CDH13: variants seen among roughly 807,000 people sequenced by gnomAD.
CDH13 encodes the protein cadherin 13.
A neutral mutation model predicts 63.8 loss-of-function variants in CDH13; 24 were observed. The ratio of observed to expected loss-of-function variants is 0.38; its 90% CI spans 0.27 to 0.53. The LOEUF (loss-of-function observed/expected upper bound fraction) is 0.53, where lower values mean the gene tolerates loss of function less well. Ranked by LOEUF, CDH13 falls within the 20% of genes least tolerant of loss-of-function variation. The pLI, the probability that CDH13 is intolerant of heterozygous loss-of-function variation, is 0.85. For synonymous variants in CDH13, 503 were observed against 355.3 expected, an observed-to-expected ratio of 1.42 and a Z score of -4.67; for missense variants, 1,049 against 903.1, an observed-to-expected ratio of 1.16 and a Z score of -2.07.
chr16:83,651,648 T>C (rs1912390274), intron 8 of CDH13, among the ~76,000 whole-genome samples: 1 of 135,848 alleles, frequency 7.4e-6, no homozygotes. Flanking sequence ...CAGGCTGGAG[T>C]GCAGTAGCAC....
chr16:83,317,258 A>G (rs1030511287), intron 5 of CDH13, among the ~76,000 whole-genome samples: 1 of 152,228 alleles, frequency 6.6e-6, no homozygotes, highest in Non-Finnish European at 1.5e-5. Flanking sequence ...CTGGAAGCCC[A>G]CATAAGGTAG....
intron 1 of CDH13, among the ~76,000 whole-genome samples, chr16:82,736,828 T>C (rs1331152585): frequency 2.6e-5 from 4 of 152,202 alleles, no homozygotes; most frequent in Non-Finnish European, 4.4e-5. Context: ...GGACTCTTGA[T>C]GGGGTTCCCA....
Position 82,854,768 on chromosome 16 carries a change from A to G in CDH13, c.46-3594A>G, listed in dbSNP as rs541118869. Among the ~76,000 whole-genome samples the G allele has an allele frequency of 1.4e-4, 22 of 152,334 alleles. No individual in the cohort carries two copies. The South Asian group carries it at 4.4e-3, about 30-fold the overall frequency. ...TACCCCAACTTTTACATGCTCCCAGAGAGATCTATATTTTCCTTTCCAGTT... is the reference window on the plus strand; with the variant it reads ...TACCCCAACTTTTACATGCTCCCAGGGAGATCTATATTTTCCTTTCCAGTT... On this transcript the variant is annotated intron_variant, in intron 1 of 13. Coordinates refer to ENST00000567109, the MANE Select transcript of CDH13 (RefSeq NM_001257.5).
At chr16:83,015,713 A>G (rs1421870628) in intron 2 of CDH13, among the ~76,000 whole-genome samples, 3 of 125,900 alleles carry the variant, frequency 2.4e-5, no homozygotes, top group Non-Finnish European at 5.1e-5. Context: ...ATATATATAT[A>G]TATATATATA....
chr16:83,259,698 A>G (rs1193480572), intron 5 of CDH13, among the ~76,000 whole-genome samples: 2 of 152,168 alleles, frequency 1.3e-5, no homozygotes, highest in African/African-American at 4.8e-5. Flanking sequence ...CACAATGTGC[A>G]GGTTAGTTAC....
intron 6 of CDH13, among the ~76,000 whole-genome samples, chr16:83,481,986 G>A (rs1020505790): frequency 2.0e-5 from 3 of 152,176 alleles, no homozygotes; most frequent in African/African-American, 7.2e-5. Flanking sequence ...TGGAGCAGGT[G>A]CACTGAGGCC....
intron 6 of CDH13, among the ~76,000 whole-genome samples, chr16:83,439,754 A>G (rs1263389101): frequency 1.3e-5 from 2 of 152,190 alleles, no homozygotes; most frequent in East Asian, 1.9e-4. Flanking sequence ...ATCATGTTTG[A>G]CAGGAGAACA....
chr16:83,321,390 C>A (rs72804323), intron 5 of CDH13, among the ~76,000 whole-genome samples: 2 of 152,068 alleles, frequency 1.3e-5, no homozygotes, highest in East Asian at 1.9e-4. Flanking sequence ...TCATTGGCAT[C>A]GGAATTATTT....
chr16:83,432,360 A>G (rs892826766), intron 6 of CDH13, among the ~76,000 whole-genome samples: 6 of 152,150 alleles, frequency 3.9e-5, no homozygotes, highest in African/African-American at 1.4e-4. Flanking sequence ...ATCTACCCCA[A>G]TGGTAGTTAA....
intron 3 of CDH13, among the ~76,000 whole-genome samples, chr16:83,073,268 T>A (rs1178864566): frequency 6.6e-6 from 1 of 151,716 alleles, no homozygotes; most frequent in Non-Finnish European, 1.5e-5. Flanking sequence ...AGTTCGAGGT[T>A]GAACCCGGGT....
At chr16:83,041,277 T>C (rs1917309220) in intron 3 of CDH13, among the ~76,000 whole-genome samples, 1 of 152,152 alleles carries the variant, frequency 6.6e-6, no homozygotes, top group Admixed American at 6.6e-5. Flanking sequence ...TGACAGAAGC[T>C]GAAAAGGCTA....
At chr16:82,942,479 C>T (rs528999704) in intron 2 of CDH13, among the ~76,000 whole-genome samples, 5 of 152,242 alleles carry the variant, frequency 3.3e-5, no homozygotes, top group South Asian at 2.1e-4. Flanking sequence ...CTATAACACA[C>T]GCCAGAGGAT....
At chr16:83,570,479 C>T (rs1340738742) in intron 7 of CDH13, among the ~76,000 whole-genome samples, 2 of 151,986 alleles carry the variant, frequency 1.3e-5, no homozygotes, top group Non-Finnish European at 2.9e-5. Flanking sequence ...GTGAGAATGG[C>T]AAAGCCAAGG....
chr16:83,584,226 G>A (rs1381050418), intron 7 of CDH13, among the ~76,000 whole-genome samples: 1 of 152,128 alleles, frequency 6.6e-6, no homozygotes, highest in Non-Finnish European at 1.5e-5. Flanking sequence ...AAACTAAGGA[G>A]GCTGAGGCAG....
intron 7 of CDH13, among the ~76,000 whole-genome samples, chr16:83,503,988 A>G (rs2074341705): frequency 6.6e-6 from 1 of 152,078 alleles, no homozygotes; most frequent in African/African-American, 2.4e-5. Flanking sequence ...CAGCATTAGG[A>G]CAGATGCCCA....
At chr16:83,662,336 A>G (rs909019593) in intron 8 of CDH13, among the ~76,000 whole-genome samples, 10 of 152,218 alleles carry the variant, frequency 6.6e-5, no homozygotes, top group Non-Finnish European at 1.0e-4. Context: ...TCTTTGCATG[A>G]TGGAGATAAC....
intron 2 of CDH13, among the ~76,000 whole-genome samples, chr16:83,024,020 C>G (rs1259275201): frequency 6.6e-6 from 1 of 152,092 alleles, no homozygotes; most frequent in South Asian, 2.1e-4. Flanking sequence ...ATCAAGACTT[C>G]ATTATTTATA....
chr16:83,225,332 G>A (rs1389526227), intron 5 of CDH13, among the ~76,000 whole-genome samples: 1 of 152,170 alleles, frequency 6.6e-6, no homozygotes, highest in Admixed American at 6.5e-5. Context: ...GTGCTCCGGT[G>A]TGCCATTTGA....
intron 2 of CDH13, among the ~76,000 whole-genome samples, chr16:82,933,867 T>C (rs1004908000): frequency 2.0e-5 from 3 of 152,200 alleles, no homozygotes; most frequent in Non-Finnish European, 4.4e-5. Context: ...CCAGGTCACA[T>C]TGATGCAGGA....
Sources: allele counts gnomAD v4.1 joint callset (sites outside exome capture counted in the v4.1 genomes callset), GRCh38; gene constraint gnomAD v4.1.1; transcripts MANE v1.5; gene names NCBI Gene and HGNC (gene_info 2026-07-23, HGNC 2026-07-21).